Variants in TMCC1 observed in about 807,000 individuals in gnomAD.
TMCC1 encodes the protein transmembrane and coiled-coil domain family 1.
A neutral mutation model predicts 52.4 loss-of-function variants in TMCC1; 15 were observed. The observed-to-expected ratio is 0.29, with a 90% CI of 0.19 to 0.44. The LOEUF is 0.44. Among genes scored for constraint, TMCC1 ranks in the 20% least tolerant of loss-of-function variants. The probability of loss-of-function intolerance (pLI) is 1.00; values close to 1 mark genes in which losing one functional copy is unlikely to be tolerated. For synonymous variants in TMCC1, 279 were observed against 301.9 expected, an observed-to-expected ratio of 0.92 and a Z score of 0.79; for missense variants, 503 against 806.0, an observed-to-expected ratio of 0.62 and a Z score of 4.55.
At chr3:129,779,058 G>T in intron 4 of TMCC1, among the ~76,000 whole-genome samples, 1 of 151,734 alleles carries the variant, frequency 6.6e-6, no homozygotes, top group African/African-American at 2.4e-5. Flanking sequence ...TCTTGATTTG[G>T]CAATTCATTC....
intron 4 of TMCC1, among the ~76,000 whole-genome samples, chr3:129,694,863 C>G (rs535328231): frequency 6.6e-6 from 1 of 152,168 alleles, no homozygotes; most frequent in African/African-American, 2.4e-5. Flanking sequence ...TTACTTTACT[C>G]TATGGACTCG....
At chr3:129,858,864 C>T (rs140878006) in intron 2 of TMCC1, among the ~76,000 whole-genome samples, 246 of 152,282 alleles carry the variant, frequency 1.6e-3, no homozygotes, top group African/African-American at 5.8e-3. Flanking sequence ...GGAAAAAACA[C>T]TTTCTTATTC....
intron 4 of TMCC1, among the ~76,000 whole-genome samples, chr3:129,676,860 CAG>C (rs1236727334): frequency 3.3e-5 from 5 of 152,242 alleles, no homozygotes; most frequent in South Asian, 4.1e-4. Flanking sequence ...TGTATTAAGT[CAG>C]ATGATGCCTG....
At chr3:129,726,674 T>A (rs1477242570) in intron 4 of TMCC1, among the ~76,000 whole-genome samples, 1 of 149,688 alleles carries the variant, frequency 6.7e-6, no homozygotes, top group African/African-American at 2.5e-5. Context: ...AGGTCAAGAG[T>A]TCGAGACCAG....
intron 4 of TMCC1, chr3:129,688,312 G>C: frequency 1.0e-6 from 1 of 985,146 alleles, no homozygotes; most frequent in Non-Finnish European, 1.2e-6. Context: ...CTTTCCATTT[G>C]TTCCAGCTTC....
chr3:129,715,316 T>C (rs1477017372), intron 4 of TMCC1, among the ~76,000 whole-genome samples: 1 of 152,180 alleles, frequency 6.6e-6, no homozygotes, highest in Non-Finnish European at 1.5e-5. Flanking sequence ...CCCAGCACTT[T>C]GGGAGGCCGA....
intron 4 of TMCC1, among the ~76,000 whole-genome samples, chr3:129,679,462 C>G (rs140044457): frequency 2.0e-5 from 3 of 152,054 alleles, no homozygotes; most frequent in Admixed American, 2.0e-4. Context: ...CGCACCACCA[C>G]GCCTGGCTAA....
At chr3:129,725,481 C>T (rs1013422747) in intron 4 of TMCC1, among the ~76,000 whole-genome samples, 4 of 151,174 alleles carry the variant, frequency 2.6e-5, no homozygotes, top group Non-Finnish European at 5.9e-5. Context: ...AACATAGCAT[C>T]TTATTTTTTT....
intron 4 of TMCC1, among the ~76,000 whole-genome samples, chr3:129,674,415 T>G (rs1336218864): frequency 6.6e-6 from 1 of 152,062 alleles, no homozygotes; most frequent in African/African-American, 2.4e-5. Context: ...GTTTAACACC[T>G]GAAACCATGA....
chr3:129,834,593 T>C (rs1053242965), intron 2 of TMCC1, among the ~76,000 whole-genome samples: 5 of 152,130 alleles, frequency 3.3e-5, no homozygotes, highest in Non-Finnish European at 2.9e-5. Flanking sequence ...TTAGGCCTAA[T>C]GATCATGTAA....
chr3:129,729,825 T>C (rs1191208197), intron 4 of TMCC1, among the ~76,000 whole-genome samples: 1 of 150,538 alleles, frequency 6.6e-6, no homozygotes, highest in Non-Finnish European at 1.5e-5. Flanking sequence ...TAAAAAGGAA[T>C]GAGGCCAGGC....
At chr3:129,657,208 A>G (rs1034571063) in intron 5 of TMCC1, among the ~76,000 whole-genome samples, 1 of 152,114 alleles carries the variant, frequency 6.6e-6, no homozygotes, top group Non-Finnish European at 1.5e-5. Context: ...CACATGTGGG[A>G]TCTCTGCATG....
intron 4 of TMCC1, 100 bp from the exon 5 acceptor site, chr3:129,671,364 T>G: frequency 8.0e-7 from 1 of 1,247,564 alleles, no homozygotes; most frequent in South Asian, 1.6e-5. Flanking sequence ...CTCTCAAATC[T>G]CAGTAGATAA....
At chr3:129,793,640 C>G (rs1160741976) in intron 4 of TMCC1, among the ~76,000 whole-genome samples, 1 of 152,182 alleles carries the variant, frequency 6.6e-6, no homozygotes, top group Admixed American at 6.5e-5. Flanking sequence ...TGGCTACAGG[C>G]AGAGTGGATT....
intron 4 of TMCC1, among the ~76,000 whole-genome samples, chr3:129,719,046 T>C (rs555691328): frequency 6.6e-6 from 1 of 152,268 alleles, no homozygotes; most frequent in East Asian, 1.9e-4. Flanking sequence ...ATCTCCAAAG[T>C]GATGTGTCTT....
intron 1 of TMCC1, among the ~76,000 whole-genome samples, chr3:129,883,691 T>A (rs1029251985): frequency 9.2e-5 from 14 of 152,066 alleles, no homozygotes; most frequent in African/African-American, 3.4e-4. Context: ...AAAAATATAT[T>A]TTTTGGGCTG....
chr3:129,703,698 G>A (rs145974296), intron 4 of TMCC1, among the ~76,000 whole-genome samples: 45 of 152,158 alleles, frequency 3.0e-4, no homozygotes, highest in Non-Finnish European at 5.9e-4. Context: ...AATAATATTC[G>A]GCTATTAACA....
intron 4 of TMCC1, among the ~76,000 whole-genome samples, chr3:129,772,671 C>T (rs542556940): frequency 6.2e-5 from 9 of 146,284 alleles, no homozygotes; most frequent in South Asian, 2.2e-4. Context: ...TGCAGTGAGC[C>T]GAGATCGTGC....
At chr3:129,690,549 G>T (rs2108947590) in intron 4 of TMCC1, among the ~76,000 whole-genome samples, 1 of 152,226 alleles carries the variant, frequency 6.6e-6, no homozygotes, top group South Asian at 2.1e-4. Flanking sequence ...AGTTCCCTTT[G>T]CAAGGCCATG....
Sources: allele counts gnomAD v4.1 joint callset (sites outside exome capture counted in the v4.1 genomes callset), GRCh38; gene constraint gnomAD v4.1.1; transcripts MANE v1.5; gene names NCBI Gene and HGNC (gene_info 2026-07-23, HGNC 2026-07-21).